Variants in CDK14 observed in about 807,000 individuals in gnomAD.
CDK14 encodes cyclin-dependent kinase 14.
CDK14 carries 34 observed loss-of-function variants against 60.7 expected under a neutral mutation model. The ratio of observed to expected loss-of-function variants is 0.56; its 90% CI spans 0.43 to 0.75. The LOEUF is 0.75. Ranked by LOEUF, CDK14 falls within the 30% of genes least tolerant of loss-of-function variation. The probability of loss-of-function intolerance (pLI) is 0.00; values close to 1 mark genes in which losing one functional copy is unlikely to be tolerated. For missense variants in CDK14, 482 were observed against 564.1 expected (o/e 0.85, Z 1.47); for synonymous variants, 197 against 203.7 (o/e 0.97, Z 0.28).
intron 5 of CDK14, among the ~76,000 whole-genome samples, chr7:90,859,772 G>C (rs150040218): frequency 6.6e-6 from 1 of 152,078 alleles, no homozygotes; most frequent in East Asian, 1.9e-4. Context: ...TTCACTCTTG[G>C]TGTTGTAAAT....
At chr7:90,930,711 T>C (rs1793567069) in intron 8 of CDK14, among the ~76,000 whole-genome samples, 1 of 152,132 alleles carries the variant, frequency 6.6e-6, no homozygotes. Flanking sequence ...GGACTCAAAC[T>C]TCAGTCATTT....
chr7:91,181,006 T>G (rs1347722864), intron 14 of CDK14, among the ~76,000 whole-genome samples: 1 of 152,226 alleles, frequency 6.6e-6, no homozygotes, highest in East Asian at 1.9e-4. Context: ...TTGTTTCCTC[T>G]TAAATATTTC....
chr7:90,679,761 C>T (rs1275930814), intron 2 of CDK14, among the ~76,000 whole-genome samples: 1 of 152,162 alleles, frequency 6.6e-6, no homozygotes. Flanking sequence ...TTTTTGCTGG[C>T]ATAGTACAGC....
intron 2 of CDK14, among the ~76,000 whole-genome samples, chr7:90,637,205 T>C (rs1360429694): frequency 1.3e-5 from 2 of 151,344 alleles, no homozygotes; most frequent in African/African-American, 2.4e-5. Flanking sequence ...CTTGCTTTTC[T>C]AGTTGTTTTA....
chr7:91,073,486 A>G (rs1041438710), intron 11 of CDK14, among the ~76,000 whole-genome samples: 5 of 152,208 alleles, frequency 3.3e-5, no homozygotes, highest in African/African-American at 1.2e-4. Flanking sequence ...CTGTCTTGCA[A>G]GAGCTCCTGA....
At chr7:91,004,044 T>C (rs1308818024) in intron 10 of CDK14, among the ~76,000 whole-genome samples, 1 of 152,180 alleles carries the variant, frequency 6.6e-6, no homozygotes, top group Non-Finnish European at 1.5e-5. Context: ...ATTAAAATCT[T>C]ATACTAGAAA....
chr7:90,878,781 T>C (rs1416827257), intron 6 of CDK14, among the ~76,000 whole-genome samples: 2 of 152,190 alleles, frequency 1.3e-5, no homozygotes, highest in African/African-American at 4.8e-5. Flanking sequence ...AGATGAGAAG[T>C]AATTTTAAAA....
chr7:90,970,285 A>ATTTT (rs1483463724), intron 9 of CDK14, among the ~76,000 whole-genome samples: 1 of 151,568 alleles, frequency 6.6e-6, no homozygotes, highest in Non-Finnish European at 1.5e-5. Flanking sequence ...AGCACTTTTT[A>ATTTT]AACACAGCCA....
intron 5 of CDK14, among the ~76,000 whole-genome samples, chr7:90,829,733 A>G (rs888376978): frequency 6.6e-6 from 1 of 152,136 alleles, no homozygotes; most frequent in Non-Finnish European, 1.5e-5. Context: ...GGGTTTCACC[A>G]TGTTGGTCAG....
intron 7 of CDK14, 106 bp downstream of exon 7, chr7:90,899,459 T>A: frequency 1.3e-6 from 1 of 781,892 alleles, no homozygotes; most frequent in Non-Finnish European, 1.9e-6. Flanking sequence ...TTAAATTTTT[T>A]GTGTAAAGAG....
At chr7:91,036,078 C>T (rs944271475) in intron 10 of CDK14, among the ~76,000 whole-genome samples, 7 of 152,088 alleles carry the variant, frequency 4.6e-5, no homozygotes, top group African/African-American at 1.7e-4. Flanking sequence ...CTCCTGACCT[C>T]GTGATCCACC....
At chr7:90,823,028 G>A (rs564282200) in intron 5 of CDK14, among the ~76,000 whole-genome samples, 1 of 152,214 alleles carries the variant, frequency 6.6e-6, no homozygotes, top group East Asian at 1.9e-4. Context: ...AGTGAACAGG[G>A]GCTAGTGTGT....
At chr7:91,045,498 A>T (rs970820963) in intron 10 of CDK14, among the ~76,000 whole-genome samples, 1 of 152,156 alleles carries the variant, frequency 6.6e-6, no homozygotes, top group Admixed American at 6.5e-5. Context: ...AAATGGAAGA[A>T]TTGTTGGAAC....
At chr7:90,721,881 C>A (rs1802468528) in intron 2 of CDK14, among the ~76,000 whole-genome samples, 1 of 152,044 alleles carries the variant, frequency 6.6e-6, no homozygotes, top group Non-Finnish European at 1.5e-5. Context: ...AAGCATTTTG[C>A]TGTGGGCAGA....
intron 5 of CDK14, among the ~76,000 whole-genome samples, chr7:90,828,252 A>T (rs180983869): frequency 6.5e-4 from 99 of 152,324 alleles, no homozygotes; most frequent in African/African-American, 2.3e-3. Flanking sequence ...TAGGTAACTT[A>T]CCAGCCAGTG....
At chr7:90,668,594 G>T (rs1801031017) in intron 2 of CDK14, among the ~76,000 whole-genome samples, 1 of 149,198 alleles carries the variant, frequency 6.7e-6, no homozygotes, top group South Asian at 2.2e-4. Flanking sequence ...AGATCAGATA[G>T]ATTTATCTCT....
chr7:90,935,655 T>C (rs1315541224), intron 8 of CDK14, among the ~76,000 whole-genome samples: 8 of 152,350 alleles, frequency 5.3e-5, no homozygotes, highest in African/African-American at 1.4e-4. Context: ...CTGTTTTTTT[T>C]CACTAATATA....
intron 14 of CDK14, among the ~76,000 whole-genome samples, chr7:91,205,622 T>C (rs985115530): frequency 1.3e-5 from 2 of 152,178 alleles, no homozygotes; most frequent in African/African-American, 4.8e-5. Context: ...AGATGATAGT[T>C]GCACAGCATT....
chr7:91,148,203 C>A (rs865904494), intron 14 of CDK14, among the ~76,000 whole-genome samples: 2 of 152,006 alleles, frequency 1.3e-5, no homozygotes, highest in African/African-American at 4.8e-5. Context: ...GTTAGAGAGA[C>A]CCCATCTCTA....
Sources: allele counts gnomAD v4.1 joint callset (sites outside exome capture counted in the v4.1 genomes callset), GRCh38; gene constraint gnomAD v4.1.1; transcripts MANE v1.5; gene names NCBI Gene and HGNC (gene_info 2026-07-23, HGNC 2026-07-21).